The following EPM2A variants were observed in gnomAD, a reference collection of about 807,000 sequenced individuals.
EPM2A encodes the protein laforin.
A neutral mutation model predicts 26.5 loss-of-function variants in EPM2A; 21 were observed. The observed-to-expected ratio is 0.79, with a 90% confidence interval of 0.56 to 1.14. The LOEUF (loss-of-function observed/expected upper bound fraction) is 1.14, where lower values mean the gene tolerates loss of function less well. Among genes scored for constraint, EPM2A ranks in the 50% most tolerant of loss-of-function variants. The pLI is 0.00. For missense variants in EPM2A, 458 were observed against 440.8 expected (o/e 1.04, Z -0.35); for synonymous variants, 217 against 177.6 (o/e 1.22, Z -1.76).
intron 1 of EPM2A, chr6:145,705,825 A>G (rs1782192146): frequency 2.2e-6 from 1 of 455,572 alleles, no homozygotes; most frequent in African/African-American, 2.0e-5. Flanking sequence ...AGCAAAGAAG[A>G]ACAATCTTCC....
At chr6:145,663,184 A>G (rs1357321368) in intron 2 of EPM2A, among the ~76,000 whole-genome samples, 1 of 152,226 alleles carries the variant, frequency 6.6e-6, no homozygotes, top group Non-Finnish European at 1.5e-5. Context: ...TATGCAGTAA[A>G]CATGTCCAAC....
rs535839769 is a variant in EPM2A, at chr6:145,718,438, C to T, written c.301+16760G>A. 5.2e-3 allele frequency among the ~76,000 whole-genome samples: 782 copies of T among 151,158 alleles called. 4 individuals carry two copies. The highest frequency in any genetic ancestry group is 0.018 in the African/African-American group (748 of 41,054). Reference sequence around the variant, plus strand: ...CATATGTAGAAAGCTGAAACTGGATCCCTTCCTTACACTTTATACAAAAAT... The same window carrying T: ...CATATGTAGAAAGCTGAAACTGGATTCCTTCCTTACACTTTATACAAAAAT... On this transcript the variant is annotated intron_variant, in intron 1 of 3. Coordinates refer to ENST00000367519, the MANE Select transcript of EPM2A (RefSeq NM_005670.4).
At chr6:145,726,818 GGTATTGGAA>G (rs1312500411) in intron 1 of EPM2A, among the ~76,000 whole-genome samples, 4 of 151,982 alleles carry the variant, frequency 2.6e-5, no homozygotes, top group Admixed American at 6.6e-5. Context: ...ATATAGATAA[GGTATTGGAA>G]GAGAAAAAGT....
chr6:145,413,600 T>G (rs1269932564), intron 4 of EPM2A, among the ~76,000 whole-genome samples: 1 of 152,162 alleles, frequency 6.6e-6, no homozygotes, highest in South Asian at 2.1e-4. Flanking sequence ...GCAATCATTC[T>G]GGAAATGTTA....
chr6:145,525,486 T>A (rs143929371), intron 2 of EPM2A, among the ~76,000 whole-genome samples: 2 of 152,006 alleles, frequency 1.3e-5, no homozygotes, highest in Non-Finnish European at 2.9e-5. Flanking sequence ...CTTTCAGCAG[T>A]GTTTTGTAGT....
intron 4 of EPM2A, among the ~76,000 whole-genome samples, chr6:145,396,897 G>A (rs1002413311): frequency 6.6e-6 from 1 of 152,130 alleles, no homozygotes; most frequent in Non-Finnish European, 1.5e-5. Flanking sequence ...ATCACAGATA[G>A]GGGAGCTCAT....
intron 2 of EPM2A, among the ~76,000 whole-genome samples, chr6:145,527,754 T>C (rs570678092): frequency 6.6e-6 from 1 of 152,172 alleles, no homozygotes; most frequent in Non-Finnish European, 1.5e-5. Flanking sequence ...CTCAATGTGT[T>C]TAAGTGGGAT....
chr6:145,561,890 G>C (rs758799815), intron 2 of EPM2A, among the ~76,000 whole-genome samples: 1 of 151,978 alleles, frequency 6.6e-6, no homozygotes, highest in African/African-American at 2.4e-5. Flanking sequence ...AACACACCAG[G>C]GCCAGTCGGT....
In EPM2A at chr6:145,626,059, T is replaced by C. The variant is rs1051023364; in HGVS notation, c.*1357A>G. 1.8e-6 allele frequency: 2 copies of C among 1,140,854 alleles called. No individual in the cohort carries two copies. Among genetic ancestry groups the C allele is most frequent in the South Asian group, 5.5e-5 (2 of 36,452 alleles). The allele number at this position is 1,140,854 out of a possible 1,614,324, so 70.7% of individuals were successfully genotyped here. A position where few individuals can be genotyped will look rare whatever the true frequency, so the allele number is the denominator to read the frequency against. ...ATGGAGATAATGAGACCTTCTTCAT[T>C]GGATATTGTGAAGATTAAACTGGAT... On this transcript the variant is annotated 3_prime_UTR_variant, in exon 4 of 4. Transcript: ENST00000367519.
chr6:145,735,544 C>G, upstream of EPM2A: 1 of 1,153,728 alleles, frequency 8.7e-7, no homozygotes, highest in Non-Finnish European at 1.1e-6. Flanking sequence ...GTCCCCGCGG[C>G]CGGCAGGCGC....
rs947537952 is a variant in EPM2A at position 145,573,494 on chromosome 6, C to T, written c.340+61751G>A. 2.0e-5 allele frequency among the ~76,000 whole-genome samples: 3 copies of T among 152,308 alleles called. No individual in the cohort carries two copies. In the East Asian group the frequency reaches 5.8e-4, roughly 29 times the overall value. On this transcript the variant is annotated intron_variant, in intron 2 of 3. Transcript: ENST00000450221. ...ATAATCCACTGTCGTTCTTCAAGATCCATCTGTTTTCTGCACAGGCCAAAT... is the reference window on the plus strand; with the variant it reads ...ATAATCCACTGTCGTTCTTCAAGATTCATCTGTTTTCTGCACAGGCCAAAT...
intron 4 of EPM2A, among the ~76,000 whole-genome samples, chr6:145,449,526 G>A (rs957067888): frequency 7.9e-5 from 12 of 152,290 alleles, no homozygotes; most frequent in African/African-American, 2.4e-4. Context: ...TGTGAGGTGA[G>A]TTGGTCTAAC....
chr6:145,465,231 C>T (rs1278338068), intron 4 of EPM2A, among the ~76,000 whole-genome samples: 1 of 151,960 alleles, frequency 6.6e-6, no homozygotes, highest in Non-Finnish European at 1.5e-5. Flanking sequence ...CATCTTCCAT[C>T]GCTGATACCC....
intron 2 of EPM2A, among the ~76,000 whole-genome samples, chr6:145,577,497 C>A (rs996657233): frequency 6.6e-6 from 1 of 151,630 alleles, no homozygotes; most frequent in Non-Finnish European, 1.5e-5. Flanking sequence ...AAGGATATAA[C>A]AATAGTAAAT....
At chr6:145,484,009 C>T (rs1268870616) in intron 4 of EPM2A, among the ~76,000 whole-genome samples, 1 of 152,080 alleles carries the variant, frequency 6.6e-6, no homozygotes, top group African/African-American at 2.4e-5. Context: ...CAACACCATG[C>T]AAAAATTTAA....
chr6:145,387,284 A>T (rs553630908), intron 4 of EPM2A, among the ~76,000 whole-genome samples: 1 of 152,282 alleles, frequency 6.6e-6, no homozygotes, highest in South Asian at 2.1e-4. Context: ...CACCTTCTAC[A>T]TCTCAAACAT....
At chr6:145,696,685 G>T (rs984025402) in intron 1 of EPM2A, among the ~76,000 whole-genome samples, 1 of 151,738 alleles carries the variant, frequency 6.6e-6, no homozygotes, top group African/African-American at 2.4e-5. Flanking sequence ...ATTTGATAAG[G>T]AAGTTAGAAT....
At chr6:145,406,116 G>T (rs1300881548) in intron 4 of EPM2A, among the ~76,000 whole-genome samples, 1 of 151,780 alleles carries the variant, frequency 6.6e-6, no homozygotes, top group African/African-American at 2.4e-5. Flanking sequence ...ATTACCGCAG[G>T]CTCTGAAATA....
intron 1 of EPM2A, among the ~76,000 whole-genome samples, chr6:145,696,883 T>C (rs992901477): frequency 2.6e-5 from 4 of 151,054 alleles, no homozygotes; most frequent in Admixed American, 6.6e-5. Context: ...TGATGACAAA[T>C]AATATTGTGA....
Sources: allele counts gnomAD v4.1 joint callset (sites outside exome capture counted in the v4.1 genomes callset), GRCh38; gene constraint gnomAD v4.1.1; transcripts MANE v1.5; gene names NCBI Gene and HGNC (gene_info 2026-07-23, HGNC 2026-07-21).